SERINC1: variants seen among roughly 807,000 people sequenced by gnomAD.
SERINC1 encodes serine incorporator 1.
A neutral mutation model predicts 52.9 loss-of-function variants in SERINC1; 38 were observed. The observed-to-expected ratio is 0.72, with a 90% confidence interval of 0.55 to 0.94. SERINC1 has a LOEUF of 0.94. Ranked by LOEUF, SERINC1 falls within the 40% of genes least tolerant of loss-of-function variation. The pLI is 0.00. For missense variants in SERINC1, 471 were observed against 533.9 expected (o/e 0.88, Z 1.16); for synonymous variants, 198 against 183.1 (o/e 1.08, Z -0.66).
In SERINC1 at chr6:122,462,567, G is replaced by C. The variant is rs538985163; in HGVS notation, c.40-3886C>G. ...AGCCTAGGAGTTCAAGGAGTTCAAT[G>C]ATAGCGCCACTGCACTCGAGTCTGG... On this transcript the variant is annotated intron_variant, in intron 1 of 9. Transcript: ENST00000339697. Among the ~76,000 whole-genome samples, 62 of 152,146 alleles carry C rather than the reference G, an allele frequency of 4.1e-4. 1 individual carries two copies. The highest frequency in any genetic ancestry group is 1.3e-3 in the African/African-American group (54 of 41,510).
chr6:122,451,776 A>AAAAT, intron 6 of SERINC1, 22 bp from the exon 7 acceptor site: 13 of 113,040 alleles, frequency 1.2e-4, no homozygotes, highest in Non-Finnish European at 1.6e-4. Context: ...AAAAAAAAAA[A>AAAAT]ATATATATAT....
intron 7 of SERINC1, 112 bp from the exon 8 acceptor site, chr6:122,447,377 T>C (rs1018401791): frequency 6.8e-6 from 5 of 737,890 alleles, no homozygotes; most frequent in Admixed American, 5.3e-5. Context: ...AAACAATTGC[T>C]GGAAAAGGCA....
intron 1 of SERINC1, among the ~76,000 whole-genome samples, chr6:122,466,589 C>T (rs551073427): frequency 1.3e-5 from 2 of 152,224 alleles, no homozygotes; most frequent in South Asian, 4.1e-4. Context: ...CTACCTTGGC[C>T]TCCCAAAGTG....
chr6:122,459,352 T>C lies in SERINC1; in HGVS notation c.40-671A>G, dbSNP rs115811899. On this transcript the variant is annotated intron_variant, in intron 1 of 9. Coordinates refer to ENST00000339697, the MANE Select transcript of SERINC1 (RefSeq NM_020755.4). Reference sequence around the variant, plus strand: ...GAAAGCCACAGAGTAAATATTCTCATAATATCATAACCTGGGCTGAGATGT... The same window carrying C: ...GAAAGCCACAGAGTAAATATTCTCACAATATCATAACCTGGGCTGAGATGT... Among the ~76,000 whole-genome samples the C allele has an allele frequency of 1.7e-3, 252 of 152,262 alleles. 1 individual carries two copies. Among genetic ancestry groups the C allele is most frequent in the African/African-American group, 5.8e-3 (241 of 41,550 alleles).
chr6:122,470,370 T>A (rs1385045870), intron 1 of SERINC1, among the ~76,000 whole-genome samples: 3 of 152,186 alleles, frequency 2.0e-5, no homozygotes, highest in African/African-American at 7.2e-5. Flanking sequence ...TAAATCTCTA[T>A]TATATACAAA....
chr6:122,456,635 C>A lies in SERINC1; in HGVS notation c.217G>T (p.Glu73Ter). The change falls in exon 3 of 10, where the codon GAG becomes TAG. Residue 73 changes from glutamate (E) to a stop codon, truncating the protein, a stop_gained. Transcript: ENST00000339697. LOFTEE classifies it high-confidence loss of function. ...CAAGGGACAACACCTTTCTCATTCT[C>A]ACAAAATCCAGGAATCTAGAAAAAC... ...EQLNKIPGFC[E>*]NEKGVVPCNI... 1 of 1,588,366 alleles carries A rather than the reference C, an allele frequency of 6.3e-7. No individual in the cohort carries two copies. The highest frequency in any genetic ancestry group is 8.5e-7 in the Non-Finnish European group (1 of 1,171,714).
intron 1 of SERINC1, among the ~76,000 whole-genome samples, chr6:122,467,351 T>C (rs1254777091): frequency 6.6e-6 from 1 of 152,172 alleles, no homozygotes; most frequent in African/African-American, 2.4e-5. Context: ...ACACCTATAA[T>C]CCCAGCACTT....
chr6:122,466,440 C>A (rs1204785021), intron 1 of SERINC1, among the ~76,000 whole-genome samples: 1 of 152,164 alleles, frequency 6.6e-6, no homozygotes, highest in East Asian at 1.9e-4. Context: ...ACCTCAGCCT[C>A]TACAGAAGCT....
chr6:122,457,888 T>A (rs1775028459), intron 2 of SERINC1, among the ~76,000 whole-genome samples: 1 of 151,842 alleles, frequency 6.6e-6, no homozygotes, highest in Non-Finnish European at 1.5e-5. Flanking sequence ...GTGTTCCCAA[T>A]CTCCTTCCAC....
chr6:122,461,593 GC>G (rs1775101701), intron 1 of SERINC1, among the ~76,000 whole-genome samples: 1 of 151,322 alleles, frequency 6.6e-6, no homozygotes, highest in South Asian at 2.1e-4. Context: ...CACCAGCATG[GC>G]ACATGTATAC....
At chr6:122,469,960 A>T in intron 1 of SERINC1, among the ~76,000 whole-genome samples, 1 of 152,260 alleles carries the variant, frequency 6.6e-6, no homozygotes, top group Non-Finnish European at 1.5e-5. Flanking sequence ...GGTCCCCTTC[A>T]ATGACTATTG....
chr6:122,466,832 T>C (rs1028142529), intron 1 of SERINC1, among the ~76,000 whole-genome samples: 2 of 152,192 alleles, frequency 1.3e-5, no homozygotes, highest in African/African-American at 4.8e-5. Context: ...AAAGACAATG[T>C]AGAAAATACA....
chr6:122,462,732 G>A (rs754481878), intron 1 of SERINC1, among the ~76,000 whole-genome samples: 1 of 152,134 alleles, frequency 6.6e-6, no homozygotes, highest in Non-Finnish European at 1.5e-5. Context: ...CTACGTATTA[G>A]TAATAACTGA....
At chr6:122,446,160 T>C (rs1164095324) in intron 9 of SERINC1, among the ~76,000 whole-genome samples, 3 of 152,036 alleles carry the variant, frequency 2.0e-5, no homozygotes, top group Non-Finnish European at 4.4e-5. Context: ...TCAGTAATCA[T>C]TTGGACAAAA....
In SERINC1 at chr6:122,450,340, G is replaced by A. The variant is rs950799908; in HGVS notation, c.850+1324C>T. Among the ~76,000 whole-genome samples the A allele has an allele frequency of 5.3e-5, 8 of 152,222 alleles. No homozygotes were observed. The East Asian group carries it at 9.7e-4, about 18-fold the overall frequency. On this transcript the variant is annotated intron_variant, in intron 7 of 9. Transcript: ENST00000339697. ...CACATCTGTTGAAAGTATGGGTTAC[G>A]GAATATTTTAAGCCCATTGTTGGGA...
At chr6:122,448,099 T>C (rs1396084274) in intron 7 of SERINC1, among the ~76,000 whole-genome samples, 1 of 148,546 alleles carries the variant, frequency 6.7e-6, no homozygotes, top group African/African-American at 2.5e-5. Flanking sequence ...AGAGCGAGAC[T>C]CTGTCTCAAA....
intron 1 of SERINC1, among the ~76,000 whole-genome samples, chr6:122,466,224 G>T (rs139317276): frequency 6.6e-6 from 1 of 152,254 alleles, no homozygotes; most frequent in East Asian, 1.9e-4. Context: ...CTCCATCCCG[G>T]GCAACAAAGC....
At chr6:122,468,924 C>G (rs1054299457) in intron 1 of SERINC1, among the ~76,000 whole-genome samples, 1 of 152,096 alleles carries the variant, frequency 6.6e-6, no homozygotes, top group East Asian at 1.9e-4. Context: ...TGTCTACTCA[C>G]TAATACCAAT....
chr6:122,447,328 A>G (rs1441629966), intron 7 of SERINC1, 63 bp from the exon 8 acceptor site: 1 of 1,371,724 alleles, frequency 7.3e-7, no homozygotes, highest in Non-Finnish European at 1.0e-6. Context: ...CAGAGCAAAC[A>G]AAAGTTATTT....
Sources: allele counts gnomAD v4.1 joint callset (sites outside exome capture counted in the v4.1 genomes callset), GRCh38; gene constraint gnomAD v4.1.1; transcripts MANE v1.5; gene names NCBI Gene and HGNC (gene_info 2026-07-23, HGNC 2026-07-21).